Variants in CRISP3 observed in about 807,000 individuals in gnomAD.
CRISP3 encodes the protein cysteine-rich secretory protein 3.
Under a neutral mutation model 36.1 loss-of-function variants are expected in CRISP3, and 33 were observed. The ratio of observed to expected loss-of-function variants is 0.91; its 90% CI spans 0.69 to 1.22. The LOEUF is 1.22. Ranked by LOEUF, CRISP3 falls within the 50% of genes most tolerant of loss-of-function variation. CRISP3 has a pLI of 0.00. For synonymous variants in CRISP3, 117 were observed against 104.6 expected (o/e 1.12, Z -0.72); for missense variants, 330 against 301.2 (o/e 1.10, Z -0.71).
Position 49,728,837 on chromosome 6 carries a change from C to T in CRISP3, c.670G>A (p.Asp224Asn). 3 of 1,610,640 alleles carry T rather than the reference C, an allele frequency of 1.9e-6. No individual in the cohort carries two copies. Among genetic ancestry groups the T allele is most frequent in the Non-Finnish European group, 2.5e-6 (3 of 1,178,364 alleles). ...AAACTTTTACAGTTACTATAGAGAT[C>T]TTCGTACTTGCAACCATTGGCTGGA... ...GLCTNGCKYE[D>N]LYSNCKSLKL... The change falls in exon 8 of 8, where the codon GAT (aspartate) becomes AAT (asparagine). Residue 224 changes from aspartate (D) to asparagine (N), a missense_variant. Asp to Asn is a conservative substitution (Grantham distance 23). Coordinates refer to ENST00000263045, the MANE Select transcript of CRISP3 (RefSeq NM_006061.4).
chr6:49,733,131 T>C lies in CRISP3; in HGVS notation c.560+64A>G, dbSNP rs1768956086. On this transcript the variant is annotated intron_variant, in intron 6 of 7. Transcript: ENST00000263045. Reference sequence around the variant, plus strand: ...TTTACTTAAATATGCTTTTTAGTTTTTTTTTATTAAATGTTAAATTGTATT... The same window carrying C: ...TTTACTTAAATATGCTTTTTAGTTTCTTTTTATTAAATGTTAAATTGTATT... 5 of 970,122 alleles carry C rather than the reference T, an allele frequency of 5.2e-6. No individual in the cohort carries two copies. The South Asian group carries it at 9.5e-5, about 18-fold the overall frequency. The allele number at this position is 970,122 out of a possible 1,614,324, so 60.1% of individuals were successfully genotyped here. A position where few individuals can be genotyped will look rare whatever the true frequency, so the allele number is the denominator to read the frequency against.
intron 1 of CRISP3, among the ~76,000 whole-genome samples, chr6:49,740,843 T>G (rs184345593): frequency 2.6e-5 from 4 of 152,100 alleles, no homozygotes; most frequent in African/African-American, 9.6e-5. Context: ...GGCTAATGCC[T>G]GTAATCCCAG....
intron 6 of CRISP3, among the ~76,000 whole-genome samples, chr6:49,732,538 T>G (rs1481668924): frequency 6.6e-6 from 1 of 152,298 alleles, no homozygotes; most frequent in East Asian, 1.9e-4. Flanking sequence ...GAAAAAAAAG[T>G]GGACTTTCTG....
At chr6:49,732,966 C>A (rs1046420736) in intron 6 of CRISP3, among the ~76,000 whole-genome samples, 2 of 152,060 alleles carry the variant, frequency 1.3e-5, no homozygotes, top group African/African-American at 4.8e-5. Context: ...AGAGAGGAGA[C>A]AAATTATTTT....
intron 1 of CRISP3, among the ~76,000 whole-genome samples, chr6:49,739,486 T>C (rs1769145346): frequency 6.6e-6 from 1 of 152,178 alleles, no homozygotes; most frequent in Non-Finnish European, 1.5e-5. Flanking sequence ...AAATTTTATT[T>C]CCTTTTACAG....
intron 5 of CRISP3, 40 bp downstream of exon 5, chr6:49,733,663 G>A (rs1415205958): frequency 2.0e-6 from 3 of 1,535,898 alleles, no homozygotes. Context: ...TTTTTTTAGG[G>A]CACTTATAAA....
rs754203917 is a variant in CRISP3 at position 49,731,269 on chromosome 6, A to T, written c.561-18T>A. ...AATTACCACTGAAATTTGAAATAAA[A>T]ATGTCAAATATTTTTCATTTTTATG... On this transcript the variant is annotated intron_variant, in intron 6 of 7. Coordinates refer to ENST00000263045, the MANE Select transcript of CRISP3 (RefSeq NM_006061.4). The T allele has an allele frequency of 5.3e-6, 8 of 1,523,306 alleles. No homozygotes were observed. In the Admixed American group the frequency reaches 1.4e-4, roughly 27 times the overall value. The allele number at this position is 1,523,306 out of a possible 1,614,324, so 94.4% of individuals were successfully genotyped here.
At chr6:49,729,988 G>A (rs1222746534) in intron 7 of CRISP3, among the ~76,000 whole-genome samples, 1 of 152,088 alleles carries the variant, frequency 6.6e-6, no homozygotes, top group Non-Finnish European at 1.5e-5. Context: ...GCATTTGGCA[G>A]TGCTGGAAAT....
rs978220868 is a variant in CRISP3 at position 49,728,010 on chromosome 6, C to T, written c.*720G>A. ...TCACAAGGGAGAGGACTGAGTTCTA[C>T]CTCCTTGAGTGGAGGGTATTTACCT... On this transcript the variant is annotated 3_prime_UTR_variant, in exon 8 of 8. Coordinates refer to ENST00000263045, the MANE Select transcript of CRISP3 (RefSeq NM_006061.4). 6.6e-6 allele frequency: 1 copy of T among 152,072 alleles called. No homozygotes were observed. Among genetic ancestry groups the T allele is most frequent in the African/African-American group, 2.4e-5 (1 of 41,412 alleles). The allele number at this position is 152,072 out of a possible 1,614,324, so 9.4% of individuals were successfully genotyped here. A position where few individuals can be genotyped will look rare whatever the true frequency, so the allele number is the denominator to read the frequency against.
At position 49,737,311 on chromosome 6, in the gene CRISP3, GACTTCA is replaced by G; in HGVS notation, c.111+8_111+13del. 6.2e-7 allele frequency: 1 copy of G among 1,609,886 alleles called. No homozygotes were observed. The highest frequency in any genetic ancestry group is 1.7e-4 in the Middle Eastern group (1 of 6,040). On this transcript the variant is annotated splice_region_variant and intron_variant, in intron 2 of 7. Coordinates refer to ENST00000263045, the MANE Select transcript of CRISP3 (RefSeq NM_006061.4). ...TGCCTGAATTTTTCTGAAGATTTTT[GACTTCA>G]ACCATACCTTATCTTCATTTGCTGG...
intron 7 of CRISP3, among the ~76,000 whole-genome samples, chr6:49,729,870 C>T (rs1482867345): frequency 1.3e-5 from 2 of 152,058 alleles, no homozygotes; most frequent in African/African-American, 2.4e-5. Context: ...CTACTACTGT[C>T]GGGAGCTCTT....
Position 49,740,918 on chromosome 6 carries a change from G to A in CRISP3, c.37+3413C>T, listed in dbSNP as rs574080298. ...AGATCGAGACCATCCTGGCTAGCAC[G>A]GTGAAACCCCATCTCTACTAAAAAT... On this transcript the variant is annotated intron_variant, in intron 1 of 7. Coordinates refer to ENST00000263045, the MANE Select transcript of CRISP3 (RefSeq NM_006061.4). 5.3e-5 allele frequency among the ~76,000 whole-genome samples: 8 copies of A among 151,690 alleles called. No homozygotes were observed. The East Asian group carries it at 1.2e-3, about 22-fold the overall frequency.
Position 49,736,383 on chromosome 6 carries a change from C to T in CRISP3, c.228+8G>A, listed in dbSNP as rs960346327. ...CACACCCCTCTCCTTTGCAATATCA[C>T]CTCTTACCATCTTCAGCATGTTTCT... On this transcript the variant is annotated splice_region_variant and intron_variant, in intron 3 of 7. Coordinates refer to ENST00000263045, the MANE Select transcript of CRISP3 (RefSeq NM_006061.4). 6.3e-7 allele frequency: 1 copy of T among 1,586,688 alleles called. No individual in the cohort carries two copies. The highest frequency in any genetic ancestry group is 8.7e-7 in the Non-Finnish European group (1 of 1,155,856).
chr6:49,738,301 G>A (rs1769111931), intron 1 of CRISP3, among the ~76,000 whole-genome samples: 2 of 152,108 alleles, frequency 1.3e-5, no homozygotes, highest in African/African-American at 4.8e-5. Context: ...TACATGCCTA[G>A]CAATAGGGAG....
chr6:49,742,255 T>C (rs1238537684), intron 1 of CRISP3, among the ~76,000 whole-genome samples: 3 of 152,170 alleles, frequency 2.0e-5, no homozygotes, highest in Admixed American at 2.0e-4. Context: ...CATAAAGATA[T>C]CAATCCTAAA....
intron 1 of CRISP3, among the ~76,000 whole-genome samples, chr6:49,740,482 G>GAGGGAAAC (rs568616225): frequency 1.0e-3 from 151 of 148,820 alleles, no homozygotes; most frequent in African/African-American, 3.5e-3. Flanking sequence ...ATAGAAGCAA[G>GAGGGAAAC]AGGGAAACAG....
At chr6:49,731,037 C>CG in intron 7 of CRISP3, 126 bp downstream of exon 7, 1 of 636,412 alleles carries the variant, frequency 1.6e-6, no homozygotes, top group East Asian at 3.1e-5. Context: ...GCCAGACAGA[C>CG]TTTTTTTTCC....
At chr6:49,741,547 A>T (rs1769201407) in intron 1 of CRISP3, among the ~76,000 whole-genome samples, 1 of 151,662 alleles carries the variant, frequency 6.6e-6, no homozygotes, top group South Asian at 2.1e-4. Flanking sequence ...AATTCATCAC[A>T]TTAACAGACT....
In CRISP3 at chr6:49,728,776, C is replaced by T; in HGVS notation, c.731G>A (p.Arg244Lys). The change falls in exon 8 of 8, where the codon AGG (arginine) becomes AAG (lysine). Residue 244 changes from arginine (R) to lysine (K), a missense_variant. Coordinates refer to ENST00000263045, the MANE Select transcript of CRISP3 (RefSeq NM_006061.4). The stretch of plus-strand genomic sequence containing the variant: ...ATTGCAGGAGGCCTTGCAACTGTCC[C>T]TGACCAACTGATGTTTACAGGTTAA... ...LTLTCKHQLVRDSCKASCNCS... is the reference protein window; with the variant it reads ...LTLTCKHQLVKDSCKASCNCS... The T allele has an allele frequency of 6.2e-7, 1 of 1,612,546 alleles. No homozygotes were observed. The highest frequency in any genetic ancestry group is 8.5e-7 in the Non-Finnish European group (1 of 1,179,170).
Sources: gnomAD v4.1 joint callset for allele counts (sites outside exome capture counted in the v4.1 genomes callset) on GRCh38, gnomAD v4.1.1 for gene constraint, MANE v1.5 for transcripts, NCBI Gene and HGNC (gene_info 2026-07-23, HGNC 2026-07-21) for gene names.